Variants in KRT74 observed in about 807,000 individuals in gnomAD.
The protein encoded by KRT74 is keratin, type II cytoskeletal 74.
A neutral mutation model predicts 42.7 loss-of-function variants in KRT74; 43 were observed. The observed-to-expected ratio is 1.01, with a 90% CI of 0.79 to 1.30. The LOEUF (loss-of-function observed/expected upper bound fraction) is 1.30. Ranked by LOEUF, KRT74 falls within the 50% of genes most tolerant of loss-of-function variation. KRT74 has a pLI of 0.00. For missense variants in KRT74, 736 were observed against 689.1 expected (o/e 1.07, Z -0.76); for synonymous variants, 302 against 279.0 (o/e 1.08, Z -0.82).
Position 52,568,527 on chromosome 12 carries a change from C to T in KRT74, c.1135-138G>A, listed in dbSNP as rs566810492. On this transcript the variant is annotated intron_variant, in intron 6 of 8. Coordinates refer to ENST00000305620, the MANE Select transcript of KRT74 (RefSeq NM_175053.4). The stretch of plus-strand genomic sequence containing the variant: ...AAAAGCTGCAAAGCCAACACCAGAA[C>T]TTTGTCTCTTCTATTTTCTATTGCA... 1.3e-4 allele frequency: 112 copies of T among 861,000 alleles called. No homozygotes were observed. The African/African-American group carries it at 1.8e-3, about 14-fold the overall frequency. 53.3% of individuals were successfully genotyped at this position (861,000 alleles called of 1,614,324 possible).
Position 52,566,866 on chromosome 12 carries a change from C to A in KRT74, c.*103G>T. The A allele has an allele frequency of 1.1e-6, 1 of 907,724 alleles. No homozygotes were observed. The highest frequency in any genetic ancestry group is 1.7e-6 in the Non-Finnish European group (1 of 586,220). The allele number at this position is 907,724 out of a possible 1,614,324, so 56.2% of individuals were successfully genotyped here. ...TGCAGACAGTTGAGTGTACTACAGA[C>A]AGTTTTAAAACTCAGGGCCTGGGAA... On this transcript the variant is annotated 3_prime_UTR_variant, in exon 9 of 9. Transcript: ENST00000305620.
chr12:52,568,477 G>T, intron 6 of KRT74, 88 bp from the exon 7 acceptor site: 1 of 1,396,688 alleles, frequency 7.2e-7, no homozygotes, highest in Non-Finnish European at 9.9e-7. Flanking sequence ...TCATTTTGCA[G>T]ATGGGGCCCT....
intron 4 of KRT74, 110 bp from the exon 5 acceptor site, chr12:52,570,943 G>T: frequency 8.1e-7 from 1 of 1,241,894 alleles, no homozygotes; most frequent in South Asian, 1.3e-5. Flanking sequence ...GGATCCACGG[G>T]GACAAAGTAG....
chr12:52,571,557 C>T (rs1248928344), intron 3 of KRT74, 103 bp from the exon 4 acceptor site: 3 of 829,370 alleles, frequency 3.6e-6, no homozygotes, highest in Non-Finnish European at 4.1e-6. Context: ...TTTCTACCCA[C>T]AAAGGAAAGC....
At chr12:52,568,921 A>G (rs1360374621) in intron 6 of KRT74, among the ~76,000 whole-genome samples, 1 of 152,234 alleles carries the variant, frequency 6.6e-6, no homozygotes, top group Non-Finnish European at 1.5e-5. Flanking sequence ...ATAAGGCCCT[A>G]AATTATAGGC....
chr12:52,571,217 C>T, intron 4 of KRT74, 142 bp downstream of exon 4: 1 of 691,594 alleles, frequency 1.4e-6, no homozygotes, highest in South Asian at 1.6e-5. Context: ...TCCTGCACTT[C>T]CATGGTCTCC....
At chr12:52,568,533 C>G in intron 6 of KRT74, 144 bp from the exon 7 acceptor site, 1 of 841,570 alleles carries the variant, frequency 1.2e-6, no homozygotes, top group East Asian at 2.7e-5. Flanking sequence ...AGAACTTTGT[C>G]TCTTCTATTT....
chr12:52,573,766 T>C lies in KRT74; in HGVS notation c.12A>G (p.Gln4=). 1.9e-6 allele frequency: 3 copies of C among 1,613,600 alleles called. No individual in the cohort carries two copies. Among genetic ancestry groups the C allele is most frequent in the Non-Finnish European group, 1.7e-6 (2 of 1,179,840 alleles). ...TGTCACCACTGGACTTGATGTTCAG[T>C]TGCCGACTCATGGTGGGAAAGGTTG... The part of the protein sequence containing the change: MSR[Q]LNIKSSGDKG... Residue 4 remains glutamine (Q), a synonymous_variant, in exon 1 of 9, where the codon CAA becomes CAG. Coordinates refer to ENST00000305620, the MANE Select transcript of KRT74 (RefSeq NM_175053.4).
chr12:52,570,458 T>C (rs112529362), intron 5 of KRT74, among the ~76,000 whole-genome samples: 88 of 152,342 alleles, frequency 5.8e-4, no homozygotes, highest in Admixed American at 3.0e-3. Context: ...AAGTGAGGGA[T>C]CCTCTCTGTT....
Position 52,567,180 on chromosome 12 carries a change from G to A in KRT74, c.1391-12C>T, listed in dbSNP as rs767335411. On this transcript the variant is annotated splice_polypyrimidine_tract_variant and intron_variant, in intron 8 of 8. Coordinates refer to ENST00000305620, the MANE Select transcript of KRT74 (RefSeq NM_175053.4). ...ACTGCTGATGACAGCTGAGGAGGAG[G>A]GGCCAAGAGCAGGGGAGAGGAGCAG... 6.3e-7 allele frequency: 1 copy of A among 1,576,432 alleles called. No homozygotes were observed. The highest frequency in any genetic ancestry group is 8.6e-7 in the Non-Finnish European group (1 of 1,156,634).
In KRT74 at chr12:52,568,331, T is replaced by C; in HGVS notation, c.1193A>G (p.Lys398Arg). 6.2e-7 allele frequency: 1 copy of C among 1,614,238 alleles called. No individual in the cohort carries two copies. Among genetic ancestry groups the C allele is most frequent in the East Asian group, 2.2e-5 (1 of 44,882 alleles). The change falls in exon 7 of 9, where the codon AAG becomes AGG. Residue 398 changes from lysine to arginine, a missense_variant. Lys to Arg is a conservative substitution (Grantham distance 26). Transcript: ENST00000305620. ...DAEQRGDNALKDAQAKLDELE... is the reference protein window; with the variant it reads ...DAEQRGDNALRDAQAKLDELE... ...CTCATCCAGCTTGGCCTGGGCATCCTTCAGGGCATTGTCTCCCCGCTGCTC... is the reference window on the plus strand; with the variant it reads ...CTCATCCAGCTTGGCCTGGGCATCCCTCAGGGCATTGTCTCCCCGCTGCTC...
intron 6 of KRT74, among the ~76,000 whole-genome samples, chr12:52,568,798 C>A (rs1414216894): frequency 6.6e-6 from 1 of 152,222 alleles, no homozygotes; most frequent in Non-Finnish European, 1.5e-5. Flanking sequence ...GACCTCTCCC[C>A]ATTGGGGATC....
chr12:52,569,348 T>G (rs1300982538), intron 6 of KRT74: 1 of 185,792 alleles, frequency 5.4e-6, no homozygotes, highest in Admixed American at 6.4e-5. Flanking sequence ...GCTGTGTCCC[T>G]CAGTCAACAG....
At chr12:52,568,450 T>C in intron 6 of KRT74, 61 bp from the exon 7 acceptor site, 1 of 1,554,946 alleles carries the variant, frequency 6.4e-7, no homozygotes, top group South Asian at 1.2e-5. Flanking sequence ...TCATACCAGT[T>C]AAGTAGAACA....
intron 5 of KRT74, among the ~76,000 whole-genome samples, chr12:52,570,245 G>A (rs556908233): frequency 5.9e-5 from 9 of 152,106 alleles, no homozygotes; most frequent in Non-Finnish European, 1.2e-4. Context: ...AAGTCTTCCC[G>A]TGGGGATCAG....
In KRT74 at chr12:52,568,338, C is replaced by A; in HGVS notation, c.1186G>T (p.Ala396Ser). 1 of 1,614,248 alleles carries A rather than the reference C, an allele frequency of 6.2e-7. No homozygotes were observed. Among genetic ancestry groups the A allele is most frequent in the Non-Finnish European group, 8.5e-7 (1 of 1,180,052 alleles). Residue 396 changes from alanine (A) to serine (S), a missense_variant, in exon 7 of 9, where the codon GCC becomes TCC. By Grantham distance (99) the Ala-to-Ser change is moderately conservative (BLOSUM62 1). Transcript: ENST00000305620. The stretch of plus-strand genomic sequence containing the variant: ...AGCTTGGCCTGGGCATCCTTCAGGG[C>A]ATTGTCTCCCCGCTGCTCAGCGTCA... Reference protein sequence around the residue: ...IADAEQRGDNALKDAQAKLDE... With the variant: ...IADAEQRGDNSLKDAQAKLDE...
chr12:52,571,236 G>A (rs1939475186), intron 4 of KRT74, 123 bp downstream of exon 4: 1 of 738,998 alleles, frequency 1.4e-6, no homozygotes, highest in Non-Finnish European at 2.4e-6. Context: ...CCTGGTGCAG[G>A]GTTTTGTACC....
At position 52,572,477 on chromosome 12, in the gene KRT74, T is replaced by A. The variant is rs776065861; in HGVS notation, c.662A>T (p.Asp221Val). ...CCTCTTCTTATAGTCCTCCACCAGA[T>A]CCCTCATGCTTCTCAGCTCCGAGTC... Reference protein sequence around the residue: ...RLDSELRSMRDLVEDYKKRYE... With the variant: ...RLDSELRSMRVLVEDYKKRYE... Residue 221 changes from aspartate (D) to valine (V), a missense_variant, in exon 2 of 9, where the codon GAT becomes GTT. Coordinates refer to ENST00000305620, the MANE Select transcript of KRT74 (RefSeq NM_175053.4). 2.4e-5 allele frequency: 39 copies of A among 1,613,948 alleles called. No individual in the cohort carries two copies. In the African/African-American group the frequency reaches 4.4e-4, roughly 18 times the overall value.
chr12:52,567,315 A>T, intron 8 of KRT74, 147 bp from the exon 9 acceptor site: 1 of 710,766 alleles, frequency 1.4e-6, no homozygotes, highest in Non-Finnish European at 2.3e-6. Flanking sequence ...AGCACTACAG[A>T]GATGAACTGA....
Sources: allele counts gnomAD v4.1 joint callset (sites outside exome capture counted in the v4.1 genomes callset), GRCh38; gene constraint gnomAD v4.1.1; transcripts MANE v1.5; gene names NCBI Gene and HGNC (gene_info 2026-07-23, HGNC 2026-07-21).